Variants in TRIP12 observed in about 807,000 individuals in gnomAD.
TRIP12 encodes the protein thyroid hormone receptor interactor 12, also known as E3 ubiquitin-protein ligase TRIP12.
In TRIP12, 25 loss-of-function variants were observed where a neutral mutation model predicts 244.2. The observed-to-expected ratio is 0.10, with a 90% CI of 0.07 to 0.14. TRIP12 has a LOEUF of 0.14. Among genes scored for constraint, TRIP12 ranks in the 10% least tolerant of loss-of-function variants. TRIP12 has a pLI of 1.00. For missense variants in TRIP12, 1,677 were observed against 2,486.4 expected (o/e 0.67, Z 6.92); for synonymous variants, 905 against 873.1 (o/e 1.04, Z -0.64).
intron 12 of TRIP12, 35 bp from the exon 13 acceptor site, chr2:229,814,066 T>C (rs2154281415): frequency 6.5e-7 from 1 of 1,548,556 alleles, no homozygotes; most frequent in Non-Finnish European, 8.8e-7. Context: ...TAAAGAAAAA[T>C]CCTTTATCAG....
At chr2:229,819,453 G>C (rs2049416133) in intron 8 of TRIP12, among the ~76,000 whole-genome samples, 1 of 152,184 alleles carries the variant, frequency 6.6e-6, no homozygotes. Context: ...GCTGAGGCAG[G>C]AGAACTGCTT....
At chr2:229,820,948 A>C (rs2049889375) in intron 8 of TRIP12, among the ~76,000 whole-genome samples, 1 of 152,212 alleles carries the variant, frequency 6.6e-6, no homozygotes, top group Non-Finnish European at 1.5e-5. Context: ...GGATACAGAA[A>C]GCTAACTGTA....
upstream of TRIP12, chr2:229,922,556 C>G (rs887670235): frequency 4.3e-6 from 7 of 1,613,964 alleles, no homozygotes; most frequent in Non-Finnish European, 5.9e-6. Flanking sequence ...AACTGTAGGA[C>G]AAGGCCCGCC....
intron 26 of TRIP12, 169 bp downstream of exon 26, chr2:229,795,010 A>C (rs2042463991): frequency 1.6e-6 from 1 of 644,596 alleles, no homozygotes; most frequent in African/African-American, 1.9e-5. Context: ...ATAATTTTAA[A>C]GATAAGAAAG....
chr2:229,922,743 GA>G (rs1428456133), upstream of TRIP12: 1 of 853,274 alleles, frequency 1.2e-6, no homozygotes, highest in Admixed American at 2.8e-5. Context: ...CGCGCCGGGA[GA>G]TTTTCCTCGT....
chr2:229,769,454 T>C, intron 39 of TRIP12, 129 bp from the exon 40 acceptor site: 1 of 458,976 alleles, frequency 2.2e-6, no homozygotes, highest in East Asian at 3.7e-5. Context: ...TGGGACCTCT[T>C]TCCAAAAAAA....
chr2:229,829,459 A>C (rs1248509580), intron 7 of TRIP12, among the ~76,000 whole-genome samples, 171 bp from the exon 8 acceptor site: 2 of 152,236 alleles, frequency 1.3e-5, no homozygotes, highest in Non-Finnish European at 2.9e-5. Flanking sequence ...TAATATATTA[A>C]ATCAGTGCCA....
At chr2:229,893,493 ATTT>A (rs11420266) in intron 1 of TRIP12, among the ~76,000 whole-genome samples, 1 of 148,524 alleles carries the variant, frequency 6.7e-6, no homozygotes, top group African/African-American at 2.5e-5. Context: ...TACTGTTCTA[ATTT>A]TTTTTTTTTT....
chr2:229,810,079 G>C (rs1194657686), intron 15 of TRIP12, among the ~76,000 whole-genome samples: 1 of 152,220 alleles, frequency 6.6e-6, no homozygotes, highest in Non-Finnish European at 1.5e-5. Context: ...AATCATAACA[G>C]CCAGGTGTGA....
intron 4 of TRIP12, among the ~76,000 whole-genome samples, chr2:229,856,783 G>A (rs1418249157): frequency 6.6e-6 from 1 of 152,168 alleles, no homozygotes; most frequent in Non-Finnish European, 1.5e-5. Context: ...ACAAATAGTT[G>A]GTTGTCCTTT....
intron 9 of TRIP12, among the ~76,000 whole-genome samples, chr2:229,817,840 C>T (rs2048887336): frequency 6.6e-6 from 1 of 152,166 alleles, no homozygotes; most frequent in Admixed American, 6.5e-5. Flanking sequence ...GAAGATCCAC[C>T]TACCTCGGTC....
Position 229,798,924 on chromosome 2 carries a change from C to T in TRIP12, c.3433G>A (p.Gly1145Ser). ...GAGGCAGCCCTGGCAAGGCCACTAC[C>T]TCCCGCAGTCCGTGCTGGCTCAATG... ...NNIEPARTAG[G>S]SGLARAASKD... Residue 1145 changes from glycine (G) to serine (S), a missense_variant, in exon 23 of 42, where the codon GGT becomes AGT. By Grantham distance (56) the Gly-to-Ser change is moderately conservative (BLOSUM62 0). Around this residue, in one of 11 missense-constraint regions of TRIP12, gnomAD observed 572 missense variants for 867.8 expected, o/e 0.66. Coordinates refer to ENST00000675903, the MANE Select transcript of TRIP12 (RefSeq NM_001348323.3). 1 of 1,614,216 alleles carries T rather than the reference C, an allele frequency of 6.2e-7. No homozygotes were observed. The highest frequency in any genetic ancestry group is 8.5e-7 in the Non-Finnish European group (1 of 1,180,042).
intron 6 of TRIP12, among the ~76,000 whole-genome samples, chr2:229,831,953 T>C (rs771630900): frequency 2.7e-5 from 4 of 149,570 alleles, no homozygotes; most frequent in Admixed American, 6.7e-5. Flanking sequence ...TTAAGCCCTA[T>C]ATACTGCACA....
At chr2:229,869,856 G>A (rs1025150890) in intron 2 of TRIP12, among the ~76,000 whole-genome samples, 1 of 152,280 alleles carries the variant, frequency 6.6e-6, no homozygotes, top group Non-Finnish European at 1.5e-5. Flanking sequence ...TTGCCAGAAC[G>A]TTAGCACACA....
At chr2:229,776,873 C>G (rs981527119) in intron 37 of TRIP12, among the ~76,000 whole-genome samples, 3 of 151,962 alleles carry the variant, frequency 2.0e-5, no homozygotes, top group Admixed American at 6.6e-5. Flanking sequence ...AATGTATTAC[C>G]AAGGAATAGT....
At chr2:229,820,625 G>T (rs2154289658) in intron 8 of TRIP12, among the ~76,000 whole-genome samples, 1 of 152,160 alleles carries the variant, frequency 6.6e-6, no homozygotes, top group Admixed American at 6.5e-5. Context: ...GATTTTAAAA[G>T]ACCTTATTTT....
At chr2:229,789,538 TC>T (rs1490473130) in intron 31 of TRIP12, 72 bp downstream of exon 31, 1 of 1,541,916 alleles carries the variant, frequency 6.5e-7, no homozygotes, top group East Asian at 2.3e-5. Flanking sequence ...AATCACTGTT[TC>T]CATTTCTAGT....
intron 39 of TRIP12, among the ~76,000 whole-genome samples, chr2:229,770,482 T>G (rs1490181574): frequency 6.6e-6 from 1 of 152,126 alleles, no homozygotes; most frequent in Non-Finnish European, 1.5e-5. Flanking sequence ...AATCAAAAAT[T>G]TATAGATTTA....
At chr2:229,861,649 TATC>T (rs1475699736) in intron 2 of TRIP12, among the ~76,000 whole-genome samples, 2 of 152,226 alleles carry the variant, frequency 1.3e-5, no homozygotes, top group African/African-American at 4.8e-5. Flanking sequence ...TTTCTTAAGA[TATC>T]ATACAAGTAC....
Sources: allele counts gnomAD v4.1 joint callset (sites outside exome capture counted in the v4.1 genomes callset), GRCh38; gene constraint gnomAD v4.1.1; regional missense constraint gnomAD v4.1.1; transcripts MANE v1.5; gene names NCBI Gene and HGNC (gene_info 2026-07-23, HGNC 2026-07-21).